The following ZBTB25 variants were observed in gnomAD, a reference collection of about 807,000 sequenced individuals.
ZBTB25 encodes zinc finger and BTB domain containing 25.
Under a neutral mutation model 34.2 loss-of-function variants are expected in ZBTB25, and 20 were observed. The observed-to-expected ratio is 0.58, with a 90% CI of 0.41 to 0.85. The LOEUF (loss-of-function observed/expected upper bound fraction) is 0.85, where lower values mean the gene tolerates loss of function less well. Among genes scored for constraint, ZBTB25 ranks in the 40% least tolerant of loss-of-function variants. The pLI is 0.00. For synonymous variants in ZBTB25, 175 were observed against 186.4 expected, an observed-to-expected ratio of 0.94 and a Z score of 0.50; for missense variants, 437 against 521.8, an observed-to-expected ratio of 0.84 and a Z score of 1.58.
chr14:64,495,519 T>G (rs1400721974), intron 1 of ZBTB25, among the ~76,000 whole-genome samples: 1 of 152,246 alleles, frequency 6.6e-6, no homozygotes, highest in South Asian at 2.1e-4. Flanking sequence ...ATTACAGTTG[T>G]AGCCACCTCT....
At position 64,487,273 on chromosome 14, in the gene ZBTB25, AAGGCTCTGTGGTACCCCGGT is replaced by A. The variant is rs751315614; in HGVS notation, c.938_957del (p.Asn313IlefsTer21). The A allele has an allele frequency of 6.2e-7, 1 of 1,614,024 alleles. No homozygotes were observed. Among genetic ancestry groups the A allele is most frequent in the Admixed American group, 1.7e-5 (1 of 60,012 alleles). ...ATCAAAGATACTTGACTGATCTGCA[AAGGCTCTGTGGTACCCCGGT>A]TGGTGTGGTCTGGCTGCTGTTCATT... On this transcript the variant is annotated frameshift_variant, in exon 3 of 3. Coordinates refer to ENST00000608382, the MANE Select transcript of ZBTB25 (RefSeq NM_006977.5). LOFTEE classifies it high-confidence loss of function.
At chr14:64,492,721 A>C (rs1477428375) in intron 1 of ZBTB25, among the ~76,000 whole-genome samples, 1 of 152,202 alleles carries the variant, frequency 6.6e-6, no homozygotes, top group Non-Finnish European at 1.5e-5. Context: ...CCACCCATAC[A>C]GGAATCTTAT....
chr14:64,499,882 T>C (rs867185078), intron 1 of ZBTB25, among the ~76,000 whole-genome samples: 3 of 152,322 alleles, frequency 2.0e-5, no homozygotes, highest in Middle Eastern at 6.8e-3. Context: ...GGAAGAGTAG[T>C]TATGCTCTAG....
At chr14:64,454,925 G>A in intron 2 of ZBTB25, 2 of 1,597,202 alleles carry the variant, frequency 1.3e-6, no homozygotes, top group Non-Finnish European at 8.6e-7. Flanking sequence ...CTTCTCGTCT[G>A]AAGTGTGTTG....
At chr14:64,498,179 AT>A (rs1399835067) in intron 1 of ZBTB25, among the ~76,000 whole-genome samples, 1 of 152,228 alleles carries the variant, frequency 6.6e-6, no homozygotes, top group African/African-American at 2.4e-5. Flanking sequence ...AAATCATTTT[AT>A]CCTGAAACAG....
At chr14:64,496,482 C>G (rs779175450) in intron 1 of ZBTB25, among the ~76,000 whole-genome samples, 1 of 151,920 alleles carries the variant, frequency 6.6e-6, no homozygotes, top group Admixed American at 6.6e-5. Context: ...CAGAGCGAGA[C>G]TCCATCTCAA....
rs779871054 is a variant in ZBTB25, at chr14:64,458,335, C to A, written c.174-8697G>T. 7 of 1,421,918 alleles carry A rather than the reference C, an allele frequency of 4.9e-6. No individual in the cohort carries two copies. In the South Asian group the frequency reaches 8.0e-5, roughly 16 times the overall value. The allele number at this position is 1,421,918 out of a possible 1,614,324, so 88.1% of individuals were successfully genotyped here. A position where few individuals can be genotyped will look rare whatever the true frequency, so the allele number is the denominator to read the frequency against. Reference sequence around the variant, plus strand: ...AAGTTGTTACTGGGTAATAATTTGGCTTTTTTCCTCATGTAGCTTATTTAT... The same window carrying A: ...AAGTTGTTACTGGGTAATAATTTGGATTTTTTCCTCATGTAGCTTATTTAT... On this transcript the variant is annotated intron_variant, in intron 2 of 2. Transcript: ENST00000555220.
intron 2 of ZBTB25, among the ~76,000 whole-genome samples, chr14:64,465,860 C>T (rs1340009632): frequency 6.6e-6 from 1 of 152,196 alleles, no homozygotes; most frequent in African/African-American, 2.4e-5. Context: ...TTGCCGGTGG[C>T]TTTTTTCCTT....
rs1316114976 is a variant in ZBTB25, at chr14:64,481,821, T to C, written c.*5102A>G. The C allele has an allele frequency of 6.6e-6, 1 of 152,204 alleles. No homozygotes were observed. Among genetic ancestry groups the C allele is most frequent in the Non-Finnish European group, 1.5e-5 (1 of 68,042 alleles). 9.4% of individuals were successfully genotyped at this position (152,204 alleles called of 1,614,324 possible). A position where few individuals can be genotyped will look rare whatever the true frequency, so the allele number is the denominator to read the frequency against. On this transcript the variant is annotated 3_prime_UTR_variant, in exon 3 of 3. Transcript: ENST00000608382. The stretch of plus-strand genomic sequence containing the variant: ...AGCAGAGAGAAATCATTTACAGACT[T>C]CACTCTTAAGAAATCAAAAATTAAT...
chr14:64,459,163 G>C (rs1021029392), intron 2 of ZBTB25, among the ~76,000 whole-genome samples: 1 of 152,150 alleles, frequency 6.6e-6, no homozygotes, highest in Admixed American at 6.6e-5. Context: ...ACGTGCAAGG[G>C]TTTGCCACCC....
At chr14:64,497,147 G>A (rs375142030) in intron 1 of ZBTB25, among the ~76,000 whole-genome samples, 4 of 149,066 alleles carry the variant, frequency 2.7e-5, no homozygotes, top group East Asian at 3.9e-4. Context: ...TGTATAAAAT[G>A]AAACAAATTA....
chr14:64,491,244 T>G (rs956842247), intron 1 of ZBTB25, among the ~76,000 whole-genome samples: 1 of 151,838 alleles, frequency 6.6e-6, no homozygotes, highest in Non-Finnish European at 1.5e-5. Context: ...GGCAGGAGGG[T>G]TGCTTGAGCC....
upstream of ZBTB25, chr14:64,504,993 G>T (rs1011479351): frequency 5.1e-6 from 2 of 391,798 alleles, no homozygotes; most frequent in Admixed American, 8.9e-5. Context: ...TTTGGCCCAG[G>T]CCGGAGGGCG....
At chr14:64,471,998 G>T (rs924483108) in intron 2 of ZBTB25, 1 of 166,350 alleles carries the variant, frequency 6.0e-6, no homozygotes, top group African/African-American at 2.4e-5. Flanking sequence ...ATTTCCCCCA[G>T]ATTTTCCTAC....
Position 64,479,403 on chromosome 14 carries a change from A to T in ZBTB25, c.*7520T>A, listed in dbSNP as rs973188994. On this transcript the variant is annotated 3_prime_UTR_variant, in exon 3 of 3. Coordinates refer to ENST00000608382, the MANE Select transcript of ZBTB25 (RefSeq NM_006977.5). ...AACCAAAAACATCTCCACATCGTCAAATGTCTCTATGGGGGGGGATAGCCC... is the reference window on the plus strand; with the variant it reads ...AACCAAAAACATCTCCACATCGTCATATGTCTCTATGGGGGGGGATAGCCC... The T allele has an allele frequency of 6.6e-6, 1 of 152,070 alleles. No individual in the cohort carries two copies. Among genetic ancestry groups the T allele is most frequent in the Non-Finnish European group, 1.5e-5 (1 of 68,056 alleles). 9.4% of individuals were successfully genotyped at this position (152,070 alleles called of 1,614,324 possible). A position where few individuals can be genotyped will look rare whatever the true frequency, so the allele number is the denominator to read the frequency against.
chr14:64,465,379 CCGCCCCGCGCCTCCGGCGGT>C (rs1398088269), intron 2 of ZBTB25: 2 of 151,960 alleles, frequency 1.3e-5, no homozygotes, highest in East Asian at 3.9e-4. Context: ...GGCGCCCGCG[CCGCCCCGCGCCTCCGGCGGT>C]CGCCCCGCCC....
At chr14:64,489,013 G>C (rs752089203) in intron 2 of ZBTB25, among the ~76,000 whole-genome samples, 2 of 152,180 alleles carry the variant, frequency 1.3e-5, no homozygotes, top group Non-Finnish European at 2.9e-5. Context: ...TTGGGAGGCC[G>C]AGGCAGGTGG....
chr14:64,498,674 C>T (rs2079371960), intron 1 of ZBTB25, among the ~76,000 whole-genome samples: 1 of 150,576 alleles, frequency 6.6e-6, no homozygotes, highest in East Asian at 2.0e-4. Flanking sequence ...CACTCTGTTG[C>T]CCAGGCTGGA....
intron 2 of ZBTB25, among the ~76,000 whole-genome samples, chr14:64,464,350 T>TA (rs2140999821): frequency 1.3e-5 from 2 of 152,292 alleles, no homozygotes; most frequent in East Asian, 1.9e-4. Flanking sequence ...TAATTACAAC[T>TA]AAACTAGATG....
Sources: gnomAD v4.1 joint callset for allele counts (sites outside exome capture counted in the v4.1 genomes callset) on GRCh38, gnomAD v4.1.1 for gene constraint, MANE v1.5 for transcripts, NCBI Gene and HGNC (gene_info 2026-07-23, HGNC 2026-07-21) for gene names.